TANC1: variants seen among roughly 807,000 people sequenced by gnomAD.
TANC1 encodes protein TANC1.
Under a neutral mutation model 149.7 loss-of-function variants are expected in TANC1, and 77 were observed. That is an observed-to-expected ratio of 0.51 (90% CI 0.43 to 0.62). The LOEUF (loss-of-function observed/expected upper bound fraction) is 0.62. TANC1 is among the 20% of genes least tolerant of loss of function. The pLI is 0.00. For missense variants in TANC1, 1,985 were observed against 2,321.8 expected (o/e 0.85, Z 2.98); for synonymous variants, 854 against 925.0 (o/e 0.92, Z 1.39).
intron 2 of TANC1, among the ~76,000 whole-genome samples, chr2:159,013,301 T>C (rs1367877487): frequency 6.6e-6 from 1 of 152,186 alleles, no homozygotes; most frequent in Non-Finnish European, 1.5e-5. Context: ...AGTCAAATTG[T>C]GTCTCGAGAG....
chr2:159,026,306 T>C (rs1055873762), intron 2 of TANC1, among the ~76,000 whole-genome samples: 7 of 152,204 alleles, frequency 4.6e-5, no homozygotes, highest in Non-Finnish European at 1.0e-4. Flanking sequence ...CTAGCATGCC[T>C]TCTTGGCGTG....
At chr2:159,206,175 A>G (rs187053067) in intron 19 of TANC1, among the ~76,000 whole-genome samples, 1 of 152,220 alleles carries the variant, frequency 6.6e-6, no homozygotes, top group Non-Finnish European at 1.5e-5. Context: ...TGAAAGGAGC[A>G]AGATGGGGTG....
At chr2:159,149,610 T>C (rs1207415551) in intron 6 of TANC1, 5 of 281,468 alleles carry the variant, frequency 1.8e-5, no homozygotes, top group Admixed American at 4.6e-5. Flanking sequence ...ATCTGGTTGC[T>C]TTGGTATACG....
intron 2 of TANC1, chr2:159,056,280 G>C (rs1408029117): frequency 4.5e-6 from 1 of 222,832 alleles, no homozygotes; most frequent in Non-Finnish European, 9.5e-6. Context: ...TCCAAGTACT[G>C]AGGTTTCAGG....
chr2:159,023,298 A>G (rs1455888195), intron 2 of TANC1, among the ~76,000 whole-genome samples: 1 of 152,150 alleles, frequency 6.6e-6, no homozygotes. Context: ...AGAATCTGAC[A>G]AATTTTTAGA....
chr2:159,179,708 C>G (rs1249119781), intron 14 of TANC1, among the ~76,000 whole-genome samples: 1 of 152,218 alleles, frequency 6.6e-6, no homozygotes, highest in East Asian at 1.9e-4. Context: ...ACCCTTCACC[C>G]TTTGTGGATG....
intron 5 of TANC1, among the ~76,000 whole-genome samples, chr2:159,145,512 G>A (rs1157124023): frequency 6.6e-6 from 1 of 152,178 alleles, no homozygotes; most frequent in Non-Finnish European, 1.5e-5. Flanking sequence ...TCTGGATGGT[G>A]GTTAGCACTG....
Position 159,186,885 on chromosome 2 carries a change from G to C in TANC1, c.2620-17G>C, listed in dbSNP as rs1026697473. The C allele has an allele frequency of 6.2e-7, 1 of 1,614,018 alleles. No homozygotes were observed. Among genetic ancestry groups the C allele is most frequent in the Non-Finnish European group, 8.5e-7 (1 of 1,180,000 alleles). On this transcript the variant is annotated splice_polypyrimidine_tract_variant and intron_variant, in intron 15 of 26. Coordinates refer to ENST00000263635, the MANE Select transcript of TANC1 (RefSeq NM_033394.3). ...CTGTCTCTGATTGTTTCCAAGATCTGTCTCGATTGTTTCCAGGGCCTCAGT... is the reference window on the plus strand; with the variant it reads ...CTGTCTCTGATTGTTTCCAAGATCTCTCTCGATTGTTTCCAGGGCCTCAGT...
intron 12 of TANC1, 127 bp downstream of exon 12, chr2:159,175,311 G>A: frequency 1.4e-6 from 1 of 707,378 alleles, no homozygotes; most frequent in Non-Finnish European, 2.4e-6. Flanking sequence ...GGATGTCGAA[G>A]CCTCCGTGCC....
chr2:159,222,992 G>A lies in TANC1; in HGVS notation c.3679-1240G>A, dbSNP rs369772850. Among the ~76,000 whole-genome samples, 115 of 152,228 alleles carry A rather than the reference G, an allele frequency of 7.6e-4. No individual in the cohort carries two copies. In the South Asian group the frequency reaches 0.02, roughly 26 times the overall value. On this transcript the variant is annotated intron_variant, in intron 22 of 26. Coordinates refer to ENST00000263635, the MANE Select transcript of TANC1 (RefSeq NM_033394.3). ...AGAATTTCAACTCACTGCAACCTCC[G>A]CCTCCTTGGTTCAAGCGATTCTCCT... is the stretch of plus-strand genomic sequence containing the variant.
At chr2:159,059,574 C>T (rs1338836203) in intron 2 of TANC1, among the ~76,000 whole-genome samples, 4 of 151,920 alleles carry the variant, frequency 2.6e-5, no homozygotes, top group African/African-American at 7.3e-5. Context: ...CAATTATTTA[C>T]GGGTTGTTCT....
intron 1 of TANC1, among the ~76,000 whole-genome samples, chr2:158,978,062 T>C (rs1045965949): frequency 1.6e-4 from 25 of 152,352 alleles, no homozygotes; most frequent in African/African-American, 6.0e-4. Context: ...AATGTCTTTC[T>C]CTGTTTGCTT....
In TANC1 at chr2:159,150,711, C is replaced by T. The variant is rs538471736; in HGVS notation, c.682+155C>T. ...CAGGCAGCACTGACTCCATGTGTAG[C>T]TGAGAGAGTGGAGCATTGGCTTTTA... On this transcript the variant is annotated intron_variant, in intron 7 of 26. Transcript: ENST00000263635. 2.9e-5 allele frequency: 17 copies of T among 591,336 alleles called. No individual in the cohort carries two copies. In the East Asian group the frequency reaches 4.5e-4, roughly 16 times the overall value. 36.6% of individuals were successfully genotyped at this position (591,336 alleles called of 1,614,324 possible). A position where few individuals can be genotyped will look rare whatever the true frequency, so the allele number is the denominator to read the frequency against.
At chr2:158,981,488 C>CTT (rs1232013389) in intron 1 of TANC1, among the ~76,000 whole-genome samples, 4 of 75,658 alleles carry the variant, frequency 5.3e-5, no homozygotes, top group Non-Finnish European at 1.0e-4. Context: ...TAATATATAG[C>CTT]TTTTATATAT....
intron 2 of TANC1, among the ~76,000 whole-genome samples, chr2:159,003,580 T>C (rs1021758011): frequency 6.6e-6 from 1 of 151,916 alleles, no homozygotes; most frequent in African/African-American, 2.4e-5. Context: ...TAACAACTGG[T>C]AGAGGCATAA....
chr2:158,983,468 C>CAAAAAAAAAAAAA (rs35472970), intron 1 of TANC1, among the ~76,000 whole-genome samples: 914 of 88,602 alleles, frequency 0.01, 20 homozygotes, highest in African/African-American at 0.02. Flanking sequence ...CTCCGTCTCC[C>CAAAAAAAAAAAAA]AAAAAAAAAA....
At chr2:158,996,110 G>T (rs552324435) in intron 1 of TANC1, among the ~76,000 whole-genome samples, 3 of 152,234 alleles carry the variant, frequency 2.0e-5, no homozygotes, top group Non-Finnish European at 4.4e-5. Context: ...CAGCACTTTG[G>T]GAGGCCAAGG....
At chr2:158,991,068 G>T (rs1382527664) in intron 1 of TANC1, among the ~76,000 whole-genome samples, 1 of 144,534 alleles carries the variant, frequency 6.9e-6, no homozygotes, top group Non-Finnish European at 1.5e-5. Context: ...CTCCAACCTG[G>T]GTGACAGAGC....
chr2:159,100,346 T>C (rs2046558010), intron 4 of TANC1, among the ~76,000 whole-genome samples: 1 of 152,116 alleles, frequency 6.6e-6, no homozygotes, highest in Non-Finnish European at 1.5e-5. Context: ...AAAGGTTTCA[T>C]GGAGGTTACA....
Sources: gnomAD v4.1 joint callset for allele counts (sites outside exome capture counted in the v4.1 genomes callset) on GRCh38, gnomAD v4.1.1 for gene constraint, MANE v1.5 for transcripts, NCBI Gene and HGNC (gene_info 2026-07-23, HGNC 2026-07-21) for gene names.